MAST2: variants seen among roughly 807,000 people sequenced by gnomAD.
MAST2 encodes the protein microtubule associated serine/threonine kinase 2, also known as microtubule-associated serine/threonine-protein kinase 2.
MAST2 carries 70 observed loss-of-function variants against 147.4 expected under a neutral mutation model. The observed-to-expected ratio is 0.47, with a 90% CI of 0.39 to 0.58. The LOEUF (loss-of-function observed/expected upper bound fraction) is 0.58, where lower values mean the gene tolerates loss of function less well. Among genes scored for constraint, MAST2 ranks in the 20% least tolerant of loss-of-function variants. The probability of loss-of-function intolerance (pLI) is 0.00; values close to 1 mark genes in which losing one functional copy is unlikely to be tolerated. For missense variants in MAST2, 2,080 were observed against 2,302.3 expected (o/e 0.90, Z 1.98); for synonymous variants, 869 against 896.8 (o/e 0.97, Z 0.55).
intron 3 of MAST2, among the ~76,000 whole-genome samples, chr1:45,843,944 A>G (rs1645352052): frequency 6.6e-6 from 1 of 152,210 alleles, no homozygotes; most frequent in South Asian, 2.1e-4. Flanking sequence ...CTTTGCCTGA[A>G]CAAATTCGGA....
intron 4 of MAST2, among the ~76,000 whole-genome samples, chr1:45,887,316 A>G (rs1462828291): frequency 1.3e-5 from 2 of 152,228 alleles, no homozygotes; most frequent in Non-Finnish European, 2.9e-5. Flanking sequence ...ATGAGCAGTC[A>G]ATTGAGATAA....
intron 4 of MAST2, among the ~76,000 whole-genome samples, chr1:45,944,068 G>A (rs987892070): frequency 1.3e-5 from 2 of 152,126 alleles, no homozygotes; most frequent in Admixed American, 1.3e-4. Context: ...TGCTCTTGGG[G>A]TCTCAGACAA....
At chr1:46,015,202 A>G (rs886777144) in intron 10 of MAST2, among the ~76,000 whole-genome samples, 2 of 151,740 alleles carry the variant, frequency 1.3e-5, no homozygotes, top group African/African-American at 4.8e-5. Context: ...TTATAGCACT[A>G]AATGCCCACA....
At chr1:45,855,303 G>A (rs1282040968) in intron 3 of MAST2, among the ~76,000 whole-genome samples, 2 of 147,212 alleles carry the variant, frequency 1.4e-5, no homozygotes, top group African/African-American at 5.1e-5. Context: ...TATAAATCAC[G>A]ATATCACAAT....
chr1:45,918,325 G>C (rs922456243), intron 4 of MAST2, among the ~76,000 whole-genome samples: 1 of 152,220 alleles, frequency 6.6e-6, no homozygotes, highest in Non-Finnish European at 1.5e-5. Context: ...CCTGATCTAG[G>C]AGCTTGCTCC....
intron 3 of MAST2, among the ~76,000 whole-genome samples, chr1:45,871,892 T>C (rs746427400): frequency 1.3e-5 from 2 of 152,210 alleles, no homozygotes; most frequent in Non-Finnish European, 2.9e-5. Flanking sequence ...ATACCTTTTT[T>C]TCATCATTGA....
In MAST2 at chr1:46,023,713, A is replaced by G; in HGVS notation, c.1572-59A>G. ...TGTGAGAGAAGGCAGTTTGGGTGGC[A>G]GAGAGCACAGCTCAGGTGCTGAGGG... On this transcript the variant is annotated intron_variant, in intron 14 of 28. Transcript: ENST00000361297. The surrounding 1 kb of genome is among the most constrained non-coding windows in gnomAD (Gnocchi z 4.9). The G allele has an allele frequency of 6.6e-7, 1 of 1,521,810 alleles. No homozygotes were observed. The highest frequency in any genetic ancestry group is 1.4e-5 in the African/African-American group (1 of 73,168). 94.3% of individuals were successfully genotyped at this position (1,521,810 alleles called of 1,614,324 possible).
intron 4 of MAST2, chr1:45,917,371 A>G (rs774280235): frequency 7.3e-7 from 1 of 1,366,456 alleles, no homozygotes; most frequent in South Asian, 1.1e-5. Context: ...GCTGAAGTAA[A>G]CCAGCACATG....
chr1:46,027,056 G>A (rs2149315377), intron 16 of MAST2, among the ~76,000 whole-genome samples: 1 of 152,268 alleles, frequency 6.6e-6, no homozygotes, highest in South Asian at 2.1e-4. Context: ...CCAGTTGGGA[G>A]GCATGACTTT....
chr1:45,848,153 T>G (rs1412032871), intron 3 of MAST2, among the ~76,000 whole-genome samples: 2 of 152,012 alleles, frequency 1.3e-5, no homozygotes, highest in African/African-American at 4.8e-5. Flanking sequence ...CCTTAAGAGA[T>G]AGCAATGTTA....
intron 4 of MAST2, among the ~76,000 whole-genome samples, chr1:45,916,737 A>C (rs1481323501): frequency 6.6e-6 from 1 of 152,158 alleles, no homozygotes; most frequent in Non-Finnish European, 1.5e-5. Context: ...GTTGCCTGCT[A>C]ATTGATGTAG....
chr1:45,895,505 G>A (rs7512395), intron 4 of MAST2, among the ~76,000 whole-genome samples: 42,575 of 151,978 alleles, frequency 0.28, 6,125 homozygotes, highest in South Asian at 0.39. Context: ...TCATCTGGGA[G>A]CCAACTTCAG....
chr1:45,890,689 C>G (rs1273023442), intron 4 of MAST2, among the ~76,000 whole-genome samples: 1 of 152,116 alleles, frequency 6.6e-6, no homozygotes, highest in Non-Finnish European at 1.5e-5. Context: ...ACAGTTTAGT[C>G]CATAGCAGAT....
intron 5 of MAST2, among the ~76,000 whole-genome samples, chr1:45,969,388 C>T (rs1051470867): frequency 6.6e-6 from 1 of 152,168 alleles, no homozygotes; most frequent in Non-Finnish European, 1.5e-5. Context: ...ACCGGTACTT[C>T]TCATGGCCTG....
chr1:46,029,179 G>A, intron 18 of MAST2: 1 of 550,732 alleles, frequency 1.8e-6, no homozygotes. Flanking sequence ...GGGTGTTCCT[G>A]TCTGTGTATG....
chr1:46,007,861 G>GA (rs1571183315), intron 8 of MAST2, among the ~76,000 whole-genome samples: 2 of 151,886 alleles, frequency 1.3e-5, no homozygotes, highest in Admixed American at 1.3e-4. Context: ...AGCTAGTTTG[G>GA]AAAAAAAATG....
chr1:46,030,566 G>A (rs750985999), intron 21 of MAST2, 41 bp from the exon 22 acceptor site: 2 of 1,561,860 alleles, frequency 1.3e-6, no homozygotes, highest in South Asian at 2.4e-5. Flanking sequence ...GGGAGGTACG[G>A]CTGCCAGAGC....
At chr1:45,948,706 C>CAAAAAAAA (rs34012353) in intron 4 of MAST2, among the ~76,000 whole-genome samples, 16 of 40,256 alleles carry the variant, frequency 4.0e-4, no homozygotes, top group East Asian at 1.1e-3. Context: ...GACTCCATCT[C>CAAAAAAAA]AAAAAAAAAA....
rs1482162892 is a variant in MAST2, at chr1:46,023,075, TG to T, written c.1485+106del. ...ATATCTGAGGAAGGGATGGGGGAGTTGGTGACAGCAAACACTGAGAAGTCAT... is the reference window on the plus strand; with the variant it reads ...ATATCTGAGGAAGGGATGGGGGAGTTGTGACAGCAAACACTGAGAAGTCAT... On this transcript the variant is annotated intron_variant, in intron 13 of 28. Coordinates refer to ENST00000361297, the MANE Select transcript of MAST2 (RefSeq NM_015112.3). The surrounding 1 kb of genome is among the most constrained non-coding windows in gnomAD (Gnocchi z 4.9). The T allele has an allele frequency of 6.3e-6, 8 of 1,263,476 alleles. No homozygotes were observed. The highest frequency in any genetic ancestry group is 9.2e-6 in the Non-Finnish European group (8 of 867,974). 78.3% of individuals were successfully genotyped at this position (1,263,476 alleles called of 1,614,324 possible).
Sources: allele counts gnomAD v4.1 joint callset (sites outside exome capture counted in the v4.1 genomes callset), GRCh38; gene constraint gnomAD v4.1.1; non-coding constraint Gnocchi (gnomAD v3.1); transcripts MANE v1.5; gene names NCBI Gene and HGNC (gene_info 2026-07-23, HGNC 2026-07-21).